PCDHGA6: variants seen among roughly 807,000 people sequenced by gnomAD.
PCDHGA6 encodes protocadherin gamma subfamily A, 6.
A neutral mutation model predicts 60.6 loss-of-function variants in PCDHGA6; 41 were observed. The observed-to-expected ratio is 0.68, with a 90% CI of 0.53 to 0.88. The LOEUF (loss-of-function observed/expected upper bound fraction) is 0.88. Among genes scored for constraint, PCDHGA6 ranks in the 40% least tolerant of loss-of-function variants. PCDHGA6 has a pLI of 0.00. For missense variants in PCDHGA6, 1,312 were observed against 1,203.0 expected (o/e 1.09, Z -1.34); for synonymous variants, 594 against 524.4 (o/e 1.13, Z -1.81).
At chr5:141,446,766 C>T (rs1335326278) in intron 1 of PCDHGA6, among the ~76,000 whole-genome samples, 7 of 152,208 alleles carry the variant, frequency 4.6e-5, no homozygotes, top group East Asian at 3.9e-4. Context: ...CGCGCCCAGC[C>T]GGTTACCATT....
chr5:141,479,572 T>G (rs956648090), intron 1 of PCDHGA6: 2 of 152,190 alleles, frequency 1.3e-5, no homozygotes, highest in African/African-American at 2.4e-5. Context: ...TGGGATGACA[T>G]CTGTGAATAG....
intron 1 of PCDHGA6, among the ~76,000 whole-genome samples, chr5:141,463,570 T>A (rs557041487): frequency 2.7e-5 from 4 of 146,586 alleles, no homozygotes; most frequent in Middle Eastern, 3.5e-3. Context: ...TGCCTCAGCC[T>A]CCCGAGTAGC....
In PCDHGA6 at chr5:141,379,873, T is replaced by C. The variant is rs533347585; in HGVS notation, c.2424+3366T>C. ...AAATTATTGTCTTATTCTTATTTTA[T>C]GGTCTGTGAAAGCCTCTTTTTTTTT... On this transcript the variant is annotated intron_variant, in intron 1 of 3. Transcript: ENST00000517434. Among the ~76,000 whole-genome samples, 18 of 148,596 alleles carry C rather than the reference T, an allele frequency of 1.2e-4. No individual in the cohort carries two copies. The South Asian group carries it at 2.8e-3, about 23-fold the overall frequency.
chr5:141,482,160 T>G (rs577572891), intron 1 of PCDHGA6, among the ~76,000 whole-genome samples: 1 of 151,854 alleles, frequency 6.6e-6, no homozygotes, highest in Admixed American at 6.6e-5. Context: ...GTCAAAGATA[T>G]GTAAGATTAA....
At chr5:141,421,522 A>G in intron 1 of PCDHGA6, 1 of 1,614,068 alleles carries the variant, frequency 6.2e-7, no homozygotes, top group Non-Finnish European at 8.5e-7. Context: ...GCTCTGTGAG[A>G]CGGTGTCCTC....
intron 2 of PCDHGA6, among the ~76,000 whole-genome samples, chr5:141,499,112 A>G (rs550424495): frequency 6.6e-6 from 1 of 152,238 alleles, no homozygotes; most frequent in African/African-American, 2.4e-5. Context: ...CCCCACCACT[A>G]TCCCTTCTCA....
chr5:141,384,703 G>T, intron 1 of PCDHGA6: 2 of 1,614,100 alleles, frequency 1.2e-6, no homozygotes, highest in Non-Finnish European at 8.5e-7. Context: ...AGGCCAGAAC[G>T]CCTGGCTGTC....
chr5:141,453,560 G>A (rs1230229107), intron 1 of PCDHGA6, among the ~76,000 whole-genome samples: 3 of 151,968 alleles, frequency 2.0e-5, no homozygotes, highest in Admixed American at 6.6e-5. Flanking sequence ...GTAGATAATC[G>A]ATTTCATTAG....
intron 1 of PCDHGA6, chr5:141,384,016 G>A: frequency 6.2e-7 from 1 of 1,613,744 alleles, no homozygotes; most frequent in Non-Finnish European, 8.5e-7. Flanking sequence ...CTACCTACAA[G>A]ACAGAGATTC....
At chr5:141,409,967 AC>A (rs779248187) in intron 1 of PCDHGA6, 29 of 1,613,086 alleles carry the variant, frequency 1.8e-5, no homozygotes, top group Non-Finnish European at 2.4e-5. Flanking sequence ...CTACCTAGTG[AC>A]TAAGGTGGTA....
At chr5:141,422,959 C>A in intron 1 of PCDHGA6, 1 of 1,614,234 alleles carries the variant, frequency 6.2e-7, no homozygotes, top group South Asian at 1.1e-5. Context: ...TGGCGTGGAG[C>A]TGGCGCCCCG....
chr5:141,405,974 A>T (rs1194827537), intron 1 of PCDHGA6, among the ~76,000 whole-genome samples: 1 of 152,002 alleles, frequency 6.6e-6, no homozygotes, highest in Non-Finnish European at 1.5e-5. Context: ...AACGTAAACC[A>T]TACTTCATGG....
intron 1 of PCDHGA6, chr5:141,404,978 G>C: frequency 6.2e-7 from 1 of 1,613,976 alleles, no homozygotes; most frequent in Non-Finnish European, 8.5e-7. Context: ...GGCTGACCTG[G>C]GCAGTCTTCA....
At chr5:141,413,697 T>G in intron 1 of PCDHGA6, 4 of 1,613,632 alleles carry the variant, frequency 2.5e-6, no homozygotes, top group Non-Finnish European at 3.4e-6. Flanking sequence ...TGCAGAGCTA[T>G]CAGCTCAGCC....
Position 141,374,339 on chromosome 5 carries a change from A to C in PCDHGA6, c.256A>C (p.Thr86Pro). 6.2e-7 allele frequency: 1 copy of C among 1,614,006 alleles called. No homozygotes were observed. Among genetic ancestry groups the C allele is most frequent in the Non-Finnish European group, 8.5e-7 (1 of 1,179,880 alleles). ...GAATCCGCGAAACGGCAGCTTGGTC[A>C]CCGCGGGTAGGATAGACCGCGAGGA... is the stretch of plus-strand genomic sequence containing the variant. ...SLNPRNGSLVTAGRIDREELC... is the reference protein window; with the variant it reads ...SLNPRNGSLVPAGRIDREELC... The change falls in exon 1 of 4, where the codon ACC becomes CCC. Residue 86 changes from threonine to proline, a missense_variant. Physicochemically the swap from Thr to Pro is conservative, Grantham distance 38 (BLOSUM62 -1). Transcript: ENST00000517434.
intron 1 of PCDHGA6, among the ~76,000 whole-genome samples, chr5:141,448,711 C>T (rs62379167): frequency 0.23 from 35,567 of 151,844 alleles, 4,336 homozygotes; most frequent in Admixed American, 0.32. Context: ...GAGGCCGAGG[C>T]GGGAGGATCA....
At chr5:141,400,903 T>C (rs1489476752) in intron 1 of PCDHGA6, among the ~76,000 whole-genome samples, 1 of 152,258 alleles carries the variant, frequency 6.6e-6, no homozygotes, top group Non-Finnish European at 1.5e-5. Flanking sequence ...TTAATTCATC[T>C]TTTAAAGCAA....
chr5:141,387,764 AT>A, intron 1 of PCDHGA6: 1 of 1,430,464 alleles, frequency 7.0e-7, no homozygotes, highest in East Asian at 2.5e-5. Context: ...AAAAAGAAGA[AT>A]TTTTTCTTGA....
chr5:141,387,871 G>A (rs1275687057), intron 1 of PCDHGA6: 4 of 1,589,520 alleles, frequency 2.5e-6, no homozygotes, highest in Admixed American at 1.8e-5. Context: ...AGCAAGCTGA[G>A]GAGAGCAAGA....
Sources: gnomAD v4.1 joint callset for allele counts (sites outside exome capture counted in the v4.1 genomes callset) on GRCh38, gnomAD v4.1.1 for gene constraint, MANE v1.5 for transcripts, NCBI Gene and HGNC (gene_info 2026-07-23, HGNC 2026-07-21) for gene names.